Variants in PIAS1 observed in about 807,000 individuals in gnomAD.
PIAS1 encodes E3 SUMO-protein ligase PIAS1.
A neutral mutation model predicts 71.3 loss-of-function variants in PIAS1; 6 were observed. The observed-to-expected ratio is 0.08, with a 90% CI of 0.05 to 0.17. PIAS1 has a LOEUF of 0.17. PIAS1 is among the 10% of genes least tolerant of loss of function. The probability of loss-of-function intolerance (pLI) is 1.00; values close to 1 mark genes in which losing one functional copy is unlikely to be tolerated. For missense variants in PIAS1, 555 were observed against 793.6 expected (o/e 0.70, Z 3.61); for synonymous variants, 303 against 292.9 (o/e 1.03, Z -0.35).
At chr15:68,142,438 C>A in intron 4 of PIAS1, 101 bp downstream of exon 4, 2 of 914,022 alleles carry the variant, frequency 2.2e-6, no homozygotes, top group South Asian at 1.7e-5. Flanking sequence ...AGGATATATT[C>A]AAAGTTTAAA....
chr15:68,159,922 A>AT (rs2092913659), intron 7 of PIAS1, among the ~76,000 whole-genome samples: 1 of 152,080 alleles, frequency 6.6e-6, no homozygotes, highest in Non-Finnish European at 1.5e-5. Context: ...TAAATATACC[A>AT]TTTTTGCATT....
At position 68,173,629 on chromosome 15, in the gene PIAS1, CT is replaced by C. The variant is rs370043288; in HGVS notation, c.1009-100del. 2.9e-5 allele frequency: 19 copies of C among 655,534 alleles called. No homozygotes were observed. The highest frequency in any genetic ancestry group is 3.8e-4 in the Middle Eastern group (1 of 2,604). The allele number at this position is 655,534 out of a possible 1,614,324, so 40.6% of individuals were successfully genotyped here. ...ATTGATGAAAAGTCAACACTGTATG[CT>C]TTAAATCAGCATGCCTACCTGTTGT... is the stretch of plus-strand genomic sequence containing the variant. On this transcript the variant is annotated intron_variant, in intron 8 of 13. Transcript: ENST00000249636. The surrounding 1 kb of genome is among the most constrained non-coding windows in gnomAD (Gnocchi z 4.3).
chr15:68,148,908 A>AAT (rs987343622), intron 6 of PIAS1, among the ~76,000 whole-genome samples: 1 of 152,050 alleles, frequency 6.6e-6, no homozygotes, highest in African/African-American at 2.4e-5. Context: ...TGGCGATAGA[A>AAT]ATGGAGGTAA....
intron 2 of PIAS1, among the ~76,000 whole-genome samples, chr15:68,090,558 T>G (rs1420383835): frequency 6.6e-6 from 1 of 151,956 alleles, no homozygotes; most frequent in Non-Finnish European, 1.5e-5. Context: ...TAAACATTTA[T>G]TAGCTCTCCA....
chr15:68,087,775 C>A, intron 2 of PIAS1: 1 of 330,048 alleles, frequency 3.0e-6, no homozygotes, highest in South Asian at 2.3e-5. Flanking sequence ...TTTTTGAGAA[C>A]ATTTTGAAAA....
rs1038117903 is a variant in PIAS1 at position 68,187,357 on chromosome 15, T to G, written c.1663-185T>G. Among the ~76,000 whole-genome samples the G allele has an allele frequency of 3.9e-5, 6 of 152,206 alleles. No individual in the cohort carries two copies. Among genetic ancestry groups the G allele is most frequent in the African/African-American group, 1.4e-4 (6 of 41,448 alleles). Reference sequence around the variant, plus strand: ...CTCCAGTTTCAGATACAAAAATGTCTTCTCAAGATCAATGCTCCAGTCCTT... The same window carrying G: ...CTCCAGTTTCAGATACAAAAATGTCGTCTCAAGATCAATGCTCCAGTCCTT... On this transcript the variant is annotated intron_variant, in intron 13 of 13. Transcript: ENST00000249636. This position sits in a 1 kb window ranked among gnomAD's most constrained non-coding sequence, Gnocchi z 5.3.
At chr15:68,158,618 T>G (rs2092906137) in intron 7 of PIAS1, among the ~76,000 whole-genome samples, 1 of 152,172 alleles carries the variant, frequency 6.6e-6, no homozygotes, top group South Asian at 2.1e-4. Flanking sequence ...ACATACATAG[T>G]AGATCTGCAT....
At chr15:68,153,479 C>T (rs2092863795) in intron 6 of PIAS1, 111 bp from the exon 7 acceptor site, 2 of 602,926 alleles carry the variant, frequency 3.3e-6, no homozygotes, top group South Asian at 2.0e-5. Flanking sequence ...GCTTGACACA[C>T]AGTAGGTGTT....
At chr15:68,093,053 T>A (rs919487762) in intron 2 of PIAS1, among the ~76,000 whole-genome samples, 15 of 152,358 alleles carry the variant, frequency 9.8e-5, no homozygotes, top group South Asian at 4.1e-4. Flanking sequence ...CAGTGATGAC[T>A]TCGCAGTTTT....
chr15:68,165,209 C>T (rs2092949828), intron 8 of PIAS1, among the ~76,000 whole-genome samples: 1 of 152,176 alleles, frequency 6.6e-6, no homozygotes, highest in Non-Finnish European at 1.5e-5. Context: ...ACAACCTCTG[C>T]CTCCCGGGTT....
At chr15:68,065,104 A>G (rs2092003012) in intron 1 of PIAS1, among the ~76,000 whole-genome samples, 1 of 152,096 alleles carries the variant, frequency 6.6e-6, no homozygotes, top group African/African-American at 2.4e-5. Flanking sequence ...AATACAGTAA[A>G]TATTGATAGA....
intron 2 of PIAS1, among the ~76,000 whole-genome samples, chr15:68,119,648 G>A (rs553237393): frequency 6.6e-6 from 1 of 152,302 alleles, no homozygotes; most frequent in South Asian, 2.1e-4. Flanking sequence ...TTCTGCTGTT[G>A]TTGAGTGGAG....
chr15:68,113,590 G>A (rs2092540274), intron 2 of PIAS1, among the ~76,000 whole-genome samples: 1 of 152,078 alleles, frequency 6.6e-6, no homozygotes, highest in East Asian at 1.9e-4. Flanking sequence ...AGCTGCTTGG[G>A]AGTCTTTATA....
intron 6 of PIAS1, among the ~76,000 whole-genome samples, chr15:68,147,472 G>A (rs2092816284): frequency 1.3e-5 from 2 of 151,944 alleles, no homozygotes; most frequent in Non-Finnish European, 2.9e-5. Context: ...TCTGTTTCAT[G>A]TTACAAATAT....
At chr15:68,124,964 T>G (rs1023163394) in intron 2 of PIAS1, among the ~76,000 whole-genome samples, 1 of 152,212 alleles carries the variant, frequency 6.6e-6, no homozygotes, top group Non-Finnish European at 1.5e-5. Flanking sequence ...GAGATAAGAT[T>G]TGGCTTATTT....
At position 68,109,883 on chromosome 15, in the gene PIAS1, T is replaced by G. The variant is rs558493997; in HGVS notation, c.469+23133T>G. Among the ~76,000 whole-genome samples, 8 of 152,322 alleles carry G rather than the reference T, an allele frequency of 5.3e-5. No individual in the cohort carries two copies. In the South Asian group the frequency reaches 1.0e-3, roughly 20 times the overall value. On this transcript the variant is annotated intron_variant, in intron 2 of 13. Transcript: ENST00000249636. ...CTACTCACTTTTGTATACCATTGGT[T>G]TACAACTGTGATCCTTGGTTACTGG...
chr15:68,136,811 A>C (rs1165648641), intron 2 of PIAS1, among the ~76,000 whole-genome samples: 4 of 152,336 alleles, frequency 2.6e-5, no homozygotes, highest in African/African-American at 9.6e-5. Context: ...AAATTTAAAA[A>C]ATTGTAGCAG....
rs892757908 is a variant in PIAS1 at position 68,151,637 on chromosome 15, T to C, written c.829-1953T>C. On this transcript the variant is annotated intron_variant, in intron 6 of 13. Transcript: ENST00000249636. ...GAGTTCAAGACCAGCCTAGCCAACA[T>C]GGTGAAACCCCATCTCTACTAAAAA... is the stretch of plus-strand genomic sequence containing the variant. 2.7e-5 allele frequency among the ~76,000 whole-genome samples: 4 copies of C among 150,126 alleles called. No individual in the cohort carries two copies. The Admixed American group carries it at 2.7e-4, about 10-fold the overall frequency.
In PIAS1 at chr15:68,134,627, C is replaced by CCT. The variant is rs1255027137; in HGVS notation, c.470-7318_470-7317insTC. On this transcript the variant is annotated intron_variant, in intron 2 of 13. Transcript: ENST00000249636. ...GCTGGCCGGGCGGGGGGCTAACCCC[C>CCT]CCCACCTCCCTCCCGGACGGGGCGG... Among the ~76,000 whole-genome samples, 2 of 41,380 alleles carry CCT rather than the reference C, an allele frequency of 4.8e-5. 1 individual carries two copies. Among genetic ancestry groups the CCT allele is most frequent in the Non-Finnish European group, 2.3e-4 (2 of 8,788 alleles). 27.1% of individuals were successfully genotyped at this position (41,380 alleles called of 152,430 possible). A position where few individuals can be genotyped will look rare whatever the true frequency, so the allele number is the denominator to read the frequency against.
Sources: gnomAD v4.1 joint callset for allele counts (sites outside exome capture counted in the v4.1 genomes callset) on GRCh38, gnomAD v4.1.1 for gene constraint, Gnocchi (gnomAD v3.1) non-coding constraint, MANE v1.5 for transcripts, NCBI Gene and HGNC (gene_info 2026-07-23, HGNC 2026-07-21) for gene names.